IRAK1BP1: variants seen among roughly 807,000 people sequenced by gnomAD.
IRAK1BP1 encodes the protein interleukin-1 receptor-associated kinase 1-binding protein 1.
IRAK1BP1 carries 24 observed loss-of-function variants against 28.0 expected under a neutral mutation model. The observed-to-expected ratio is 0.86, with a 90% confidence interval of 0.62 to 1.20. The LOEUF (loss-of-function observed/expected upper bound fraction) is 1.20, where lower values mean the gene tolerates loss of function less well. Ranked by LOEUF, IRAK1BP1 falls within the 50% of genes most tolerant of loss-of-function variation. The pLI, the probability that IRAK1BP1 is intolerant of heterozygous loss-of-function variation, is 0.00. For missense variants in IRAK1BP1, 336 were observed against 316.7 expected (o/e 1.06, Z -0.46); for synonymous variants, 131 against 116.3 (o/e 1.13, Z -0.81).
chr6:78,891,999 T>C (rs1771681820), intron 2 of IRAK1BP1, among the ~76,000 whole-genome samples: 1 of 152,202 alleles, frequency 6.6e-6, no homozygotes, highest in South Asian at 2.1e-4. Context: ...CTCATTCCGT[T>C]TTCAGACATC....
intron 1 of IRAK1BP1, 83 bp downstream of exon 1, chr6:78,867,974 C>A: frequency 7.2e-7 from 1 of 1,394,782 alleles, no homozygotes; most frequent in Non-Finnish European, 9.6e-7. Flanking sequence ...GCCCCCCTAG[C>A]GGGAAGGGAG....
At chr6:78,977,566 G>A in the IRAK1BP1 span, among the ~76,000 whole-genome samples, 1 of 142,598 alleles carries the variant, frequency 7.0e-6, no homozygotes, top group Non-Finnish European at 1.6e-5. Flanking sequence ...TTTAAATGAT[G>A]GAATAGTGCT....
At chr6:78,967,270 C>T in the IRAK1BP1 span, among the ~76,000 whole-genome samples, 1 of 152,148 alleles carries the variant, frequency 6.6e-6, no homozygotes, top group African/African-American at 2.4e-5. Context: ...TCCTCAGATG[C>T]ATACTAGTGA....
chr6:78,974,922 A>G, the IRAK1BP1 span, among the ~76,000 whole-genome samples: 1 of 151,798 alleles, frequency 6.6e-6, no homozygotes, highest in Non-Finnish European at 1.5e-5. Flanking sequence ...AGATGGATTC[A>G]CAGCCGAATT....
chr6:78,942,653 G>A (rs1773566023), intron 4 of IRAK1BP1, among the ~76,000 whole-genome samples: 1 of 152,150 alleles, frequency 6.6e-6, no homozygotes, highest in Admixed American at 6.5e-5. Context: ...AAGTAGTTAA[G>A]TATTTCCTAT....
chr6:78,869,469 G>C (rs1438257361), intron 1 of IRAK1BP1, among the ~76,000 whole-genome samples: 2 of 152,210 alleles, frequency 1.3e-5, no homozygotes, highest in African/African-American at 4.8e-5. Flanking sequence ...TCAGTGAGCC[G>C]AGATGGTGCC....
exon 5 of IRAK1BP1, chr6:78,945,492 C>G (rs1195446651): frequency 6.3e-7 from 1 of 1,591,288 alleles, no homozygotes; most frequent in Admixed American, 1.7e-5. Context: ...ACAGAATTCT[C>G]TAGTACTAAA....
rs531051165 is a variant in IRAK1BP1 at position 78,899,467 on chromosome 6, G to C, written c.*1133G>C. The stretch of plus-strand genomic sequence containing the variant: ...AGGTATAATAGGAAAATGTTTTGAT[G>C]CCAAAAATAAAAGAGTTAATGTTTG... On this transcript the variant is annotated 3_prime_UTR_variant, in exon 4 of 4. Coordinates refer to ENST00000369940, the MANE Select transcript of IRAK1BP1 (RefSeq NM_001010844.4). 52 of 152,302 alleles carry C rather than the reference G, an allele frequency of 3.4e-4. No individual in the cohort carries two copies. Among genetic ancestry groups the C allele is most frequent in the African/African-American group, 1.2e-3 (51 of 41,570 alleles). 9.4% of individuals were successfully genotyped at this position (152,302 alleles called of 1,614,324 possible). A position where few individuals can be genotyped will look rare whatever the true frequency, so the allele number is the denominator to read the frequency against.
chr6:78,944,305 AG>A (rs1773682991), intron 4 of IRAK1BP1, among the ~76,000 whole-genome samples: 1 of 152,186 alleles, frequency 6.6e-6, no homozygotes, highest in Non-Finnish European at 1.5e-5. Flanking sequence ...TTTGAAGGCA[AG>A]GAAGTGTTTT....
downstream of IRAK1BP1, among the ~76,000 whole-genome samples, chr6:78,950,239 G>T (rs1427923838): frequency 6.6e-6 from 1 of 152,094 alleles, no homozygotes; most frequent in Non-Finnish European, 1.5e-5. Flanking sequence ...AACAGCACTT[G>T]GTCATGGTAT....
At chr6:78,971,137 T>C in the IRAK1BP1 span, among the ~76,000 whole-genome samples, 7 of 152,268 alleles carry the variant, frequency 4.6e-5, no homozygotes, top group Non-Finnish European at 8.8e-5. Context: ...GGTTTCACCA[T>C]TTTATTCTTA....
chr6:78,935,482 ATATT>A (rs1431940588), intron 4 of IRAK1BP1: 2 of 977,624 alleles, frequency 2.0e-6, no homozygotes, highest in East Asian at 1.1e-4. Context: ...TTTTGAGAAA[ATATT>A]TATGCAAAGT....
rs146039484 is a variant in IRAK1BP1, at chr6:78,916,075, C to A, written c.*67+12965C>A. Among the ~76,000 whole-genome samples, 966 of 152,250 alleles carry A rather than the reference C, an allele frequency of 6.3e-3. 19 individuals carry two copies. Among genetic ancestry groups the A allele is most frequent in the African/African-American group, 0.022 (910 of 41,542 alleles). Reference sequence around the variant, plus strand: ...AGCCGGAGCAAGCAGCTCAAGGGCCCAGTTACAGAATTTTCTGGGGTTTAA... The same window carrying A: ...AGCCGGAGCAAGCAGCTCAAGGGCCAAGTTACAGAATTTTCTGGGGTTTAA... On this transcript the variant is annotated intron_variant and NMD_transcript_variant, in intron 4 of 4. Coordinates refer to the IRAK1BP1 transcript ENST00000606868.
At chr6:78,959,551 A>G in the IRAK1BP1 span, among the ~76,000 whole-genome samples, 1 of 152,168 alleles carries the variant, frequency 6.6e-6, no homozygotes, top group East Asian at 1.9e-4. Flanking sequence ...TAAGAAGTCT[A>G]ACACCAATGA....
At chr6:78,941,800 A>G (rs766957058) in intron 4 of IRAK1BP1, among the ~76,000 whole-genome samples, 3 of 152,188 alleles carry the variant, frequency 2.0e-5, no homozygotes, top group Non-Finnish European at 2.9e-5. Context: ...TTATATATAT[A>G]TATCAATCAA....
chr6:78,945,852 C>CT (rs898858795), exon 5 of IRAK1BP1: 14 of 660,118 alleles, frequency 2.1e-5, no homozygotes, highest in Middle Eastern at 4.3e-4. Context: ...TTATTAAAAA[C>CT]TTTTTTTTAA....
At chr6:78,924,065 G>A (rs1273994883) in intron 4 of IRAK1BP1, among the ~76,000 whole-genome samples, 5 of 152,022 alleles carry the variant, frequency 3.3e-5, no homozygotes, top group South Asian at 2.1e-4. Context: ...AAATAACTAA[G>A]ATCAGAGCAG....
At chr6:78,907,969 C>T (rs1468088973), downstream of IRAK1BP1, among the ~76,000 whole-genome samples, 1 of 152,054 alleles carries the variant, frequency 6.6e-6, no homozygotes, top group Non-Finnish European at 1.5e-5. Context: ...CCGCCCGCCT[C>T]AGCCTCCCAA....
rs554207344 is a variant in IRAK1BP1 at position 78,922,060 on chromosome 6, C to A, written c.*67+18950C>A. Among the ~76,000 whole-genome samples the A allele has an allele frequency of 2.0e-5, 3 of 152,232 alleles. No homozygotes were observed. The South Asian group carries it at 6.2e-4, about 32-fold the overall frequency. ...ACACAGCTCTTCATCAGCAATGGAA[C>A]AAAGCTGGATGGAGAATGAATTTGA... On this transcript the variant is annotated intron_variant and NMD_transcript_variant, in intron 4 of 4. Coordinates refer to the IRAK1BP1 transcript ENST00000606868.
Sources: allele counts gnomAD v4.1 joint callset (sites outside exome capture counted in the v4.1 genomes callset), GRCh38; gene constraint gnomAD v4.1.1; transcripts MANE v1.5; gene names NCBI Gene and HGNC (gene_info 2026-07-23, HGNC 2026-07-21).